Variants in ZBTB46 observed in about 807,000 individuals in gnomAD.
ZBTB46 encodes zinc finger and BTB domain containing 46.
ZBTB46 carries 8 observed loss-of-function variants against 44.1 expected under a neutral mutation model. The ratio of observed to expected loss-of-function variants is 0.18; its 90% confidence interval spans 0.11 to 0.33. The LOEUF is 0.33. Among genes scored for constraint, ZBTB46 ranks in the 10% least tolerant of loss-of-function variants. The probability of loss-of-function intolerance (pLI) is 1.00; values close to 1 mark genes in which losing one functional copy is unlikely to be tolerated. For synonymous variants in ZBTB46, 409 were observed against 382.3 expected, an observed-to-expected ratio of 1.07 and a Z score of -0.81; for missense variants, 651 against 847.7, an observed-to-expected ratio of 0.77 and a Z score of 2.88.
At position 63,803,647 on chromosome 20, in the gene ZBTB46, TC is replaced by T; in HGVS notation, c.-33-12858del. ...ACTGGCCCCTTTCAGTTCCTTCATC[TC>T]CAGCCCGGCTCTGACGCCCAGGCCG... On this transcript the variant is annotated intron_variant, in intron 1 of 4. Coordinates refer to ENST00000245663, the MANE Select transcript of ZBTB46 (RefSeq NM_001369741.1). The surrounding 1 kb of genome is among the most constrained non-coding windows in gnomAD (Gnocchi z 4.0). The T allele has an allele frequency of 2.3e-6, 1 of 441,738 alleles. No individual in the cohort carries two copies. Among genetic ancestry groups the T allele is most frequent in the Non-Finnish European group, 3.0e-6 (1 of 334,188 alleles). The allele number at this position is 441,738 out of a possible 1,614,324, so 27.4% of individuals were successfully genotyped here.
chr20:63,819,042 G>A (rs1601538763), intron 1 of ZBTB46, among the ~76,000 whole-genome samples: 1 of 150,644 alleles, frequency 6.6e-6, no homozygotes, highest in Middle Eastern at 3.5e-3. Context: ...GCGTGGTGGT[G>A]TGCGCCTGTA....
intron 1 of ZBTB46, among the ~76,000 whole-genome samples, chr20:63,820,443 A>T (rs111727652): frequency 0.063 from 9,197 of 144,856 alleles, 755 homozygotes; most frequent in African/African-American, 0.19. Context: ...ATATATATAT[A>T]TTTTTTTTTT....
intron 3 of ZBTB46, among the ~76,000 whole-genome samples, chr20:63,762,084 T>TG (rs756113287): frequency 6.6e-6 from 1 of 152,224 alleles, no homozygotes; most frequent in Non-Finnish European, 1.5e-5. Context: ...TTACAGCCAG[T>TG]ATCTCTATGA....
At chr20:63,796,560 G>A (rs572127653) in intron 1 of ZBTB46, among the ~76,000 whole-genome samples, 6 of 152,306 alleles carry the variant, frequency 3.9e-5, no homozygotes, top group South Asian at 4.1e-4. Context: ...GTGCGGTGGC[G>A]CACGCCTGTC....
At chr20:63,793,046 C>T (rs903323952) in intron 1 of ZBTB46, among the ~76,000 whole-genome samples, 1 of 152,116 alleles carries the variant, frequency 6.6e-6, no homozygotes, top group Non-Finnish European at 1.5e-5. Context: ...CCGCCGGGCA[C>T]GAGGGCTGTG....
chr20:63,764,155 G>A (rs2092299429), intron 3 of ZBTB46, among the ~76,000 whole-genome samples: 1 of 152,156 alleles, frequency 6.6e-6, no homozygotes, highest in Non-Finnish European at 1.5e-5. Context: ...AAAATTTATA[G>A]GCCAAGCACG....
At chr20:63,809,082 G>A (rs1361991196) in intron 1 of ZBTB46, among the ~76,000 whole-genome samples, 1 of 151,142 alleles carries the variant, frequency 6.6e-6, no homozygotes, top group South Asian at 2.1e-4. Context: ...CTCCGGTGCT[G>A]CAGAGGCACT....
chr20:63,776,224 C>T (rs745608046), intron 2 of ZBTB46, among the ~76,000 whole-genome samples: 3 of 152,206 alleles, frequency 2.0e-5, no homozygotes, highest in Non-Finnish European at 4.4e-5. Flanking sequence ...CTCAGAACAA[C>T]GGGGTTGCCC....
In ZBTB46 at chr20:63,790,164, T is replaced by C; in HGVS notation, c.594A>G (p.Lys198=). The C allele has an allele frequency of 6.2e-7, 1 of 1,613,892 alleles. No individual in the cohort carries two copies. Residue 198 remains lysine, a synonymous_variant, in exon 2 of 5, where the codon AAA becomes AAG. Transcript: ENST00000245663. ...SCHDGGSSYG[K]EDQEPKADGP... ...CATCGGCCTTGGGCTCCTGATCCTC[T>C]TTCCCGTAGCTGCTCCCTCCGTCGT...
intron 3 of ZBTB46, among the ~76,000 whole-genome samples, chr20:63,757,302 C>T (rs6011086): frequency 1 from 151,970 of 152,266 alleles, 75,839 homozygotes; most frequent in Middle Eastern, 1. Context: ...TTTGTATTTT[C>T]AGTAGAGACG....
chr20:63,806,463 A>ACTATTTGT, intron 1 of ZBTB46, among the ~76,000 whole-genome samples: 1 of 152,100 alleles, frequency 6.6e-6, no homozygotes, highest in Admixed American at 6.6e-5. Flanking sequence ...AGGCAAGAAA[A>ACTATTTGT]CTATTTGTGT....
At chr20:63,751,580 GCAAC>G (rs1403530195) in intron 4 of ZBTB46, among the ~76,000 whole-genome samples, 1 of 152,034 alleles carries the variant, frequency 6.6e-6, no homozygotes, top group Non-Finnish European at 1.5e-5. Context: ...TGGAAAAGCA[GCAAC>G]CAACAGAACC....
chr20:63,771,113 T>C (rs999118551), intron 3 of ZBTB46, among the ~76,000 whole-genome samples: 9 of 149,516 alleles, frequency 6.0e-5, no homozygotes, highest in Admixed American at 6.0e-4. Context: ...AGAGCTGGCC[T>C]GAGTTGAAGC....
At position 63,803,339 on chromosome 20, in the gene ZBTB46, T is replaced by C. The variant is rs1178610346; in HGVS notation, c.-33-12549A>G. ...AAATTTCATATACATCATATTACCA[T>C]TGTTCGTGGTCGCATTTCAAAATTT... On this transcript the variant is annotated intron_variant, in intron 1 of 4. Transcript: ENST00000245663. This position sits in a 1 kb window ranked among gnomAD's most constrained non-coding sequence, Gnocchi z 4.0. The C allele has an allele frequency of 3.0e-6, 3 of 985,340 alleles. No homozygotes were observed. The highest frequency in any genetic ancestry group is 2.4e-6 in the Non-Finnish European group (2 of 829,932). The allele number at this position is 985,340 out of a possible 1,614,324, so 61.0% of individuals were successfully genotyped here.
intron 1 of ZBTB46, among the ~76,000 whole-genome samples, chr20:63,810,431 G>A (rs572506691): frequency 1.3e-5 from 2 of 152,118 alleles, no homozygotes; most frequent in South Asian, 2.1e-4. Flanking sequence ...ACTCAGGATA[G>A]GCACCAAAAC....
At chr20:63,790,828 C>G (rs1489496430) in intron 1 of ZBTB46, 38 bp from the exon 2 acceptor site, 3 of 1,481,634 alleles carry the variant, frequency 2.0e-6, no homozygotes, top group Non-Finnish European at 2.7e-6. Context: ...AAGCTCAGCA[C>G]AGACAGAGGC....
chr20:63,811,918 G>T (rs552390979), intron 1 of ZBTB46, among the ~76,000 whole-genome samples: 16 of 152,290 alleles, frequency 1.1e-4, no homozygotes, highest in African/African-American at 2.9e-4. Context: ...TTCAGACCAA[G>T]TACTTGCCTG....
At chr20:63,817,728 AAAAG>A (rs561278209) in intron 1 of ZBTB46, among the ~76,000 whole-genome samples, 7 of 151,786 alleles carry the variant, frequency 4.6e-5, no homozygotes, top group Non-Finnish European at 1.0e-4. Flanking sequence ...AAAAAAAAAA[AAAAG>A]GAAGAAGAAG....
intron 1 of ZBTB46, among the ~76,000 whole-genome samples, chr20:63,807,074 G>A (rs1391981234): frequency 2.0e-5 from 3 of 152,086 alleles, no homozygotes; most frequent in African/African-American, 7.2e-5. Context: ...GAGCCACCAC[G>A]CCTGGCCAGG....
Sources: allele counts gnomAD v4.1 joint callset (sites outside exome capture counted in the v4.1 genomes callset), GRCh38; gene constraint gnomAD v4.1.1; non-coding constraint Gnocchi (gnomAD v3.1); transcripts MANE v1.5; gene names NCBI Gene and HGNC (gene_info 2026-07-23, HGNC 2026-07-21).